Variants in CHP1 observed in about 807,000 individuals in gnomAD.
CHP1 encodes calcineurin B homologous protein 1.
Under a neutral mutation model 27.4 loss-of-function variants are expected in CHP1, and 11 were observed. The observed-to-expected ratio is 0.40, with a 90% confidence interval of 0.25 to 0.67. The LOEUF is 0.67. Ranked by LOEUF, CHP1 falls within the 30% of genes least tolerant of loss-of-function variation. The probability of loss-of-function intolerance (pLI) is 0.38; values close to 1 mark genes in which losing one functional copy is unlikely to be tolerated. For synonymous variants in CHP1, 89 were observed against 87.4 expected (o/e 1.02, Z -0.10); for missense variants, 169 against 251.3 (o/e 0.67, Z 2.22).
intron 4 of CHP1, among the ~76,000 whole-genome samples, chr15:41,264,395 A>G (rs2047450156): frequency 6.6e-6 from 1 of 152,152 alleles, no homozygotes; most frequent in Non-Finnish European, 1.5e-5. Flanking sequence ...AGGATGAGAT[A>G]GAATAATAAC....
Position 41,270,536 on chromosome 15 carries a change from CTT to C in CHP1, c.350-19_350-18del. 6.2e-7 allele frequency: 1 copy of C among 1,603,058 alleles called. No individual in the cohort carries two copies. Among genetic ancestry groups the C allele is most frequent in the Non-Finnish European group, 8.5e-7 (1 of 1,170,164 alleles). ...CAACACACTACAGAATTTTGACTAACTTTGTGTTTTTCCCTTACAGTTGCTTT... is the reference window on the plus strand; with the variant it reads ...CAACACACTACAGAATTTTGACTAACTGTGTTTTTCCCTTACAGTTGCTTT... On this transcript the variant is annotated intron_variant, in intron 4 of 6. Coordinates refer to ENST00000334660, the MANE Select transcript of CHP1 (RefSeq NM_007236.5).
rs543539373 is a variant in CHP1, at chr15:41,252,318, G to A, written c.141-4592G>A. 9.9e-5 allele frequency among the ~76,000 whole-genome samples: 15 copies of A among 151,666 alleles called. No individual in the cohort carries two copies. The East Asian group carries it at 1.2e-3, about 12-fold the overall frequency. ...CAAGTAGCTGGGATTACAGGCACCC[G>A]CCACCACGCCCGTCTGATTTTTGTA... On this transcript the variant is annotated intron_variant, in intron 2 of 6. Coordinates refer to ENST00000334660, the MANE Select transcript of CHP1 (RefSeq NM_007236.5).
intron 4 of CHP1, among the ~76,000 whole-genome samples, chr15:41,266,012 G>A (rs62001388): frequency 4.6e-5 from 7 of 152,176 alleles, no homozygotes; most frequent in East Asian, 1.9e-4. Context: ...GGCCAGGCGC[G>A]GTGGCTCATG....
intron 3 of CHP1, among the ~76,000 whole-genome samples, chr15:41,258,236 A>G (rs2047412963): frequency 6.6e-6 from 1 of 152,142 alleles, no homozygotes; most frequent in Admixed American, 6.6e-5. Context: ...CATAGTAATG[A>G]CCCTTTACCT....
At chr15:41,240,294 CT>C (rs1474544811) in intron 1 of CHP1, among the ~76,000 whole-genome samples, 8 of 152,080 alleles carry the variant, frequency 5.3e-5, no homozygotes, top group African/African-American at 1.9e-4. Flanking sequence ...ATGCCTGGCT[CT>C]CATTTGTTCA....
chr15:41,270,083 C>T (rs1232239838), intron 4 of CHP1, among the ~76,000 whole-genome samples: 1 of 152,096 alleles, frequency 6.6e-6, no homozygotes, highest in East Asian at 1.9e-4. Flanking sequence ...TCCAGGACTC[C>T]CAAGTGGTAG....
chr15:41,259,981 C>T (rs199731836), intron 3 of CHP1, among the ~76,000 whole-genome samples: 5 of 152,164 alleles, frequency 3.3e-5, no homozygotes, highest in East Asian at 3.9e-4. Context: ...CCGCCCGCCC[C>T]GGCCTCCCAG....
At chr15:41,267,216 G>A (rs577081554) in intron 4 of CHP1, among the ~76,000 whole-genome samples, 2 of 152,180 alleles carry the variant, frequency 1.3e-5, no homozygotes, top group East Asian at 3.9e-4. Flanking sequence ...ATTGTTAAAA[G>A]GGTACATTTT....
rs1214636348 is a variant in CHP1, at chr15:41,280,963, A to G, written c.*1574A>G. The G allele has an allele frequency of 6.6e-6, 1 of 151,766 alleles. No individual in the cohort carries two copies. Among genetic ancestry groups the G allele is most frequent in the Non-Finnish European group, 1.5e-5 (1 of 68,016 alleles). 9.4% of individuals were successfully genotyped at this position (151,766 alleles called of 1,614,324 possible). A position where few individuals can be genotyped will look rare whatever the true frequency, so the allele number is the denominator to read the frequency against. Reference sequence around the variant, plus strand: ...AACCTCTGCCTCCTGGGTTCAAGCAATTCTCCCACCTCAGCCTCCCAAGTA... The same window carrying G: ...AACCTCTGCCTCCTGGGTTCAAGCAGTTCTCCCACCTCAGCCTCCCAAGTA... On this transcript the variant is annotated 3_prime_UTR_variant, in exon 7 of 7. Transcript: ENST00000334660.
At chr15:41,277,177 T>C (rs1279471240) in intron 5 of CHP1, among the ~76,000 whole-genome samples, 1 of 152,246 alleles carries the variant, frequency 6.6e-6, no homozygotes, top group Non-Finnish European at 1.5e-5. Context: ...TAGGCAATTT[T>C]GTAGTTGTAG....
chr15:41,270,808 T>C (rs2047484837), intron 5 of CHP1, among the ~76,000 whole-genome samples, 190 bp downstream of exon 5: 1 of 152,112 alleles, frequency 6.6e-6, no homozygotes, highest in Non-Finnish European at 1.5e-5. Context: ...TAGACAGATG[T>C]CTCCACTATT....
chr15:41,273,123 T>TA (rs1354484408), intron 5 of CHP1, among the ~76,000 whole-genome samples: 1 of 151,938 alleles, frequency 6.6e-6, no homozygotes, highest in African/African-American at 2.4e-5. Flanking sequence ...GTAAAAATCC[T>TA]AAACAAAATA....
Position 41,266,379 on chromosome 15 carries a change from G to T in CHP1, c.349+3496G>T, listed in dbSNP as rs543505555. The stretch of plus-strand genomic sequence containing the variant: ...GTGTTTAAAAAAAAAAAAGTGAAAG[G>T]TATAATTCATCTTAGGCCCAGGGCA... On this transcript the variant is annotated intron_variant, in intron 4 of 6. Transcript: ENST00000334660. Among the ~76,000 whole-genome samples, 19 of 152,044 alleles carry T rather than the reference G, an allele frequency of 1.2e-4. No individual in the cohort carries two copies. The East Asian group carries it at 3.7e-3, about 29-fold the overall frequency.
At chr15:41,270,161 ATGGTGCCTGTG>A (rs1398174501) in intron 4 of CHP1, among the ~76,000 whole-genome samples, 2 of 152,108 alleles carry the variant, frequency 1.3e-5, no homozygotes, top group Non-Finnish European at 2.9e-5. Context: ...GTCAGCTCTC[ATGGTGCCTGTG>A]TGGTGCCTAT....
intron 5 of CHP1, among the ~76,000 whole-genome samples, chr15:41,272,553 T>C (rs1262766291): frequency 6.6e-6 from 1 of 151,922 alleles, no homozygotes; most frequent in African/African-American, 2.4e-5. Flanking sequence ...CCTGAGTAAC[T>C]GGGATTGCAG....
intron 5 of CHP1, 58 bp downstream of exon 5, chr15:41,270,676 G>T: frequency 7.6e-7 from 1 of 1,315,592 alleles, no homozygotes; most frequent in Non-Finnish European, 1.1e-6. Context: ...ATTAGTGTGG[G>T]CAGGAACTAT....
intron 1 of CHP1, among the ~76,000 whole-genome samples, chr15:41,241,112 A>G (rs1222999947): frequency 6.6e-6 from 1 of 152,134 alleles, no homozygotes; most frequent in African/African-American, 2.4e-5. Context: ...TGGCCTCCCA[A>G]AGTGCTGAGA....
At chr15:41,269,984 G>A (rs944928574) in intron 4 of CHP1, among the ~76,000 whole-genome samples, 14 of 152,176 alleles carry the variant, frequency 9.2e-5, no homozygotes, top group African/African-American at 2.4e-4. Context: ...CTATCTCCTA[G>A]TTTCTAGAAG....
At chr15:41,239,411 TG>T (rs1424967512) in intron 1 of CHP1, among the ~76,000 whole-genome samples, 1 of 152,118 alleles carries the variant, frequency 6.6e-6, no homozygotes, top group African/African-American at 2.4e-5. Flanking sequence ...TGTTTTGTTT[TG>T]TTTTGTTTTG....
Sources: gnomAD v4.1 joint callset for allele counts (sites outside exome capture counted in the v4.1 genomes callset) on GRCh38, gnomAD v4.1.1 for gene constraint, MANE v1.5 for transcripts, NCBI Gene and HGNC (gene_info 2026-07-23, HGNC 2026-07-21) for gene names.